Variants in GCLC observed in about 807,000 individuals in gnomAD.
The protein encoded by GCLC is glutamate-cysteine ligase catalytic subunit, also known as glutamate--cysteine ligase catalytic subunit.
Under a neutral mutation model 81.5 loss-of-function variants are expected in GCLC, and 30 were observed. The ratio of observed to expected loss-of-function variants is 0.37; its 90% CI spans 0.28 to 0.50. GCLC has a LOEUF of 0.50. GCLC is among the 20% of genes least tolerant of loss of function. The pLI is 0.96. For synonymous variants in GCLC, 262 were observed against 273.3 expected, an observed-to-expected ratio of 0.96 and a Z score of 0.41; for missense variants, 556 against 777.4, an observed-to-expected ratio of 0.72 and a Z score of 3.39.
At chr6:53,507,765 T>A in intron 8 of GCLC, 147 bp from the exon 9 acceptor site, 1 of 408,890 alleles carries the variant, frequency 2.4e-6, no homozygotes, top group African/African-American at 2.1e-5. Context: ...GAAAATTATG[T>A]TTTTTAAAAT....
At chr6:53,507,094 A>G in intron 9 of GCLC, 69 bp from the exon 10 acceptor site, 10 of 870,864 alleles carry the variant, frequency 1.1e-5, no homozygotes, top group Non-Finnish European at 2.0e-5. Context: ...GTCCAGAAAG[A>G]CGACAGGATA....
At chr6:53,499,043 C>A in intron 15 of GCLC, 76 bp from the exon 16 acceptor site, 2 of 870,886 alleles carry the variant, frequency 2.3e-6, no homozygotes, top group East Asian at 2.4e-5. Flanking sequence ...ATTTAGTGGT[C>A]AGCATAAACA....
chr6:53,542,607 G>T (rs573509244), intron 1 of GCLC, among the ~76,000 whole-genome samples: 1 of 152,066 alleles, frequency 6.6e-6, no homozygotes, highest in Non-Finnish European at 1.5e-5. Context: ...TCTCCAGAAG[G>T]AGTTGCTGAG....
intron 3 of GCLC, among the ~76,000 whole-genome samples, chr6:53,519,263 T>TA (rs910476033): frequency 6.6e-6 from 1 of 152,164 alleles, no homozygotes; most frequent in African/African-American, 2.4e-5. Flanking sequence ...CTCAGCCTCC[T>TA]AGTCACACTG....
At position 53,498,754 on chromosome 6, in the gene GCLC, G is replaced by A; in HGVS notation, c.*2C>T. 1 of 1,572,672 alleles carries A rather than the reference G, an allele frequency of 6.4e-7. No individual in the cohort carries two copies. Among genetic ancestry groups the A allele is most frequent in the Non-Finnish European group, 8.7e-7 (1 of 1,143,264 alleles). ...TAATGCATTTTTCTTTCTGTAGAAT[G>A]TCTAGTTGGATGAGTCAGTTTTACT... On this transcript the variant is annotated 3_prime_UTR_variant, in exon 16 of 16. Transcript: ENST00000650454.
intron 9 of GCLC, 169 bp from the exon 10 acceptor site, chr6:53,507,194 A>C (rs936557647): frequency 1.4e-6 from 1 of 696,028 alleles, no homozygotes; most frequent in Non-Finnish European, 2.7e-6. Flanking sequence ...TATCCTGCGG[A>C]CACTGCGGGA....
At chr6:53,514,577 A>T (rs774188852) in intron 4 of GCLC, 80 bp from the exon 5 acceptor site, 1 of 988,758 alleles carries the variant, frequency 1.0e-6, no homozygotes, top group East Asian at 2.4e-5. Context: ...CATACAAGTA[A>T]GTGGAATGAA....
intron 1 of GCLC, among the ~76,000 whole-genome samples, chr6:53,530,922 A>G (rs1430516426): frequency 1.3e-5 from 2 of 152,104 alleles, no homozygotes; most frequent in Non-Finnish European, 2.9e-5. Flanking sequence ...TAAAACTGTC[A>G]CAGAGCTCTT....
chr6:53,537,248 G>A (rs1561952217), intron 1 of GCLC, among the ~76,000 whole-genome samples: 1 of 152,276 alleles, frequency 6.6e-6, no homozygotes, highest in East Asian at 1.9e-4. Context: ...ATGCACACAC[G>A]TGCAAAGGGC....
intron 1 of GCLC, among the ~76,000 whole-genome samples, chr6:53,538,349 T>G (rs1763293912): frequency 6.8e-6 from 1 of 147,012 alleles, no homozygotes; most frequent in South Asian, 2.1e-4. Flanking sequence ...TTTTTTGAGA[T>G]GCAGTCTCGC....
Position 53,507,581 on chromosome 6 carries a change from C to T in GCLC, c.983G>A (p.Arg328Gln). The change falls in exon 9 of 16, where the codon CGA (arginine) becomes CAA (glutamine). Residue 328 changes from arginine to glutamine, a missense_variant. Physicochemically the swap from Arg to Gln is conservative, Grantham distance 43. Coordinates refer to ENST00000650454, the MANE Select transcript of GCLC (RefSeq NM_001498.4). ...KNNNYRISKS[R>Q]YDSIDSYLSK... is the part of the protein sequence containing the mutation. ...TAAATAGCTGTCTATTGAGTCATAT[C>T]GGGATTTACTGATCCTATAGTTATT... 2.6e-6 allele frequency: 4 copies of T among 1,568,196 alleles called. No homozygotes were observed. The highest frequency in any genetic ancestry group is 2.2e-5 in the East Asian group (1 of 44,588).
chr6:53,523,017 G>C (rs1763024276), intron 1 of GCLC, among the ~76,000 whole-genome samples: 1 of 152,158 alleles, frequency 6.6e-6, no homozygotes, highest in Admixed American at 6.5e-5. Context: ...TCCCACTTTT[G>C]GAGAGTTAAA....
chr6:53,500,555 G>C (rs1480104330), intron 12 of GCLC, 42 bp from the exon 13 acceptor site: 6 of 1,380,056 alleles, frequency 4.3e-6, no homozygotes, highest in East Asian at 2.3e-5. Flanking sequence ...AAATATTCTT[G>C]ATCAGACATA....
At chr6:53,526,011 A>G (rs1763075014) in intron 1 of GCLC, among the ~76,000 whole-genome samples, 1 of 152,240 alleles carries the variant, frequency 6.6e-6, no homozygotes. Flanking sequence ...GCTAAATTTT[A>G]TCCTACTAGA....
At chr6:53,504,837 T>G (rs1035380734) in intron 12 of GCLC, among the ~76,000 whole-genome samples, 1 of 152,220 alleles carries the variant, frequency 6.6e-6, no homozygotes, top group African/African-American at 2.4e-5. Flanking sequence ...TAGCAGTTTT[T>G]CCCAGCCACT....
intron 15 of GCLC, 142 bp from the exon 16 acceptor site, chr6:53,499,109 G>T: frequency 1.5e-6 from 1 of 672,398 alleles, no homozygotes. Context: ...GCAGGGGGTG[G>T]GAACATCTTT....
At chr6:53,511,072 C>T (rs1331507373) in intron 6 of GCLC, among the ~76,000 whole-genome samples, 1 of 152,020 alleles carries the variant, frequency 6.6e-6, no homozygotes, top group African/African-American at 2.4e-5. Context: ...AGTCTTTATG[C>T]ACTTATTTGC....
At chr6:53,510,803 A>G (rs940954956) in intron 6 of GCLC, among the ~76,000 whole-genome samples, 1 of 152,214 alleles carries the variant, frequency 6.6e-6, no homozygotes, top group African/African-American at 2.4e-5. Flanking sequence ...TTATAACCAC[A>G]TTTCATGTCA....
At position 53,520,906 on chromosome 6, in the gene GCLC, T is replaced by C. The variant is rs1242379928; in HGVS notation, c.318A>G (p.Pro106=). 1 of 1,614,008 alleles carries C rather than the reference T, an allele frequency of 6.2e-7. No homozygotes were observed. Among genetic ancestry groups the C allele is most frequent in the African/African-American group, 1.3e-5 (1 of 75,054 alleles). ...EYGSYMIEGT[P]GQPYGGTMSE... ...ACATTGTTCCTCCGTAGGGCTGTCC[T>C]GGTGTCCCTTCAATCATGTAACTCC... Residue 106 remains proline (P), a synonymous_variant, in exon 3 of 16, where the codon CCA becomes CCG. Transcript: ENST00000650454.
Sources: allele counts gnomAD v4.1 joint callset (sites outside exome capture counted in the v4.1 genomes callset), GRCh38; gene constraint gnomAD v4.1.1; transcripts MANE v1.5; gene names NCBI Gene and HGNC (gene_info 2026-07-23, HGNC 2026-07-21).